The following NHS variants were observed in gnomAD, a reference collection of about 807,000 sequenced individuals.
NHS encodes the protein actin remodeling regulator NHS.
In NHS, 5 loss-of-function variants were observed where a neutral mutation model predicts 72.5. The ratio of observed to expected loss-of-function variants is 0.07; its 90% CI spans 0.04 to 0.14. The LOEUF is 0.14. Among genes scored for constraint, NHS ranks in the 10% least tolerant of loss-of-function variants. The pLI is 1.00. For synonymous variants in NHS, 464 were observed against 547.7 expected, an observed-to-expected ratio of 0.85 and a Z score of 2.13; for missense variants, 1,072 against 1,355.7, an observed-to-expected ratio of 0.79 and a Z score of 3.29.
At chrX:17,663,997 G>T (rs965919534) in intron 1 of NHS, among the ~76,000 whole-genome samples, 8 of 102,749 alleles carry the variant, frequency 7.8e-5, no homozygotes, top group African/African-American at 2.8e-4. Flanking sequence ...CATATATCTT[G>T]TGAGGTGTCT....
intron 1 of NHS, among the ~76,000 whole-genome samples, chrX:17,481,223 G>A (rs906482437): frequency 4.5e-5 from 5 of 111,769 alleles, no homozygotes; most frequent in African/African-American, 9.8e-5. Context: ...TGAATAAGGC[G>A]GTGTCCGTAA....
intron 1 of NHS, among the ~76,000 whole-genome samples, chrX:17,540,009 A>T (rs2065255114): frequency 8.9e-6 from 1 of 112,514 alleles, no homozygotes; most frequent in Non-Finnish European, 1.9e-5. Flanking sequence ...TGTGATGTGA[A>T]CAAAAAGCAA....
At chrX:17,605,557 G>T (rs909530974) in intron 1 of NHS, among the ~76,000 whole-genome samples, 1 of 111,106 alleles carries the variant, frequency 9.0e-6, no homozygotes, top group Non-Finnish European at 1.9e-5. Context: ...AGCCACCTCA[G>T]CCCCTTTAGT....
At chrX:17,633,093 G>T (rs184313506) in intron 1 of NHS, among the ~76,000 whole-genome samples, 188 of 109,726 alleles carry the variant, frequency 1.7e-3, no homozygotes, top group African/African-American at 6.2e-3. Flanking sequence ...TTTTTTTTTA[G>T]CGGGGGCGTT....
chrX:17,488,387 C>G (rs1016769773), intron 1 of NHS, among the ~76,000 whole-genome samples: 2 of 110,885 alleles, frequency 1.8e-5, no homozygotes, highest in African/African-American at 6.6e-5. Flanking sequence ...TTTTTTGGTG[C>G]GGGAAGGGAT....
intron 1 of NHS, among the ~76,000 whole-genome samples, chrX:17,408,258 G>C (rs913095808): frequency 6.3e-5 from 7 of 110,994 alleles, no homozygotes; most frequent in Non-Finnish European, 1.3e-4. Context: ...CTCCCACCTC[G>C]GCCTCCCAAA....
chrX:17,401,239 T>C (rs959173602), intron 1 of NHS, among the ~76,000 whole-genome samples: 2 of 111,898 alleles, frequency 1.8e-5, no homozygotes, highest in African/African-American at 3.2e-5. Context: ...AACATTTAAC[T>C]CAAAAGCAGT....
At chrX:17,449,558 A>C (rs1176134272) in intron 1 of NHS, among the ~76,000 whole-genome samples, 2 of 112,461 alleles carry the variant, frequency 1.8e-5, no homozygotes, top group Non-Finnish European at 3.7e-5. Context: ...CTGTGTACTT[A>C]AGTTTTATGC....
chrX:17,712,265 A>ATATG (rs1192957430), intron 3 of NHS, among the ~76,000 whole-genome samples: 2 of 74,088 alleles, frequency 2.7e-5, no homozygotes, highest in Non-Finnish European at 5.0e-5. Flanking sequence ...ATATATATAT[A>ATATG]TATATATATA....
intron 1 of NHS, among the ~76,000 whole-genome samples, chrX:17,423,522 G>A (rs1183294229): frequency 3.6e-5 from 4 of 111,331 alleles, no homozygotes; most frequent in South Asian, 3.9e-4. Flanking sequence ...CTGTCTGCTC[G>A]GCTAGATCCT....
At chrX:17,486,411 T>A (rs1225980060) in intron 1 of NHS, among the ~76,000 whole-genome samples, 4 of 112,176 alleles carry the variant, frequency 3.6e-5, no homozygotes, top group Non-Finnish European at 7.5e-5. Context: ...TCAGCCATGG[T>A]GACGCTGCTT....
intron 1 of NHS, among the ~76,000 whole-genome samples, chrX:17,529,555 G>A (rs1040055729): frequency 4.5e-5 from 5 of 111,219 alleles, no homozygotes; most frequent in East Asian, 2.8e-4. Context: ...GAAAGCTGAC[G>A]CGTTGTTTTT....
intron 1 of NHS, among the ~76,000 whole-genome samples, chrX:17,442,151 G>A (rs1024946519): frequency 8.9e-6 from 1 of 112,671 alleles, no homozygotes; most frequent in African/African-American, 3.2e-5. Context: ...TGTGATCTGT[G>A]TATTAGTCAG....
At chrX:17,399,811 G>A (rs1286854758) in intron 1 of NHS, among the ~76,000 whole-genome samples, 4 of 111,861 alleles carry the variant, frequency 3.6e-5, no homozygotes, top group African/African-American at 9.8e-5. Flanking sequence ...GTAATAAGAA[G>A]GTGTGGTTGT....
intron 1 of NHS, among the ~76,000 whole-genome samples, chrX:17,680,655 C>T (rs767081126): frequency 1.8e-5 from 2 of 111,714 alleles, no homozygotes; most frequent in Non-Finnish European, 3.8e-5. Context: ...TTCTGGGGTA[C>T]ACGTGCAGAA....
At chrX:17,544,573 G>A (rs189137685) in intron 1 of NHS, among the ~76,000 whole-genome samples, 6 of 111,635 alleles carry the variant, frequency 5.4e-5, no homozygotes, top group Admixed American at 9.5e-5. Context: ...GTGCAGTGGC[G>A]CGATCTTGGC....
chrX:17,613,350 T>C, intron 1 of NHS, among the ~76,000 whole-genome samples: 1 of 111,773 alleles, frequency 8.9e-6, no homozygotes, highest in Non-Finnish European at 1.9e-5. Context: ...TTAAAGGTAG[T>C]GTCCCAGTGT....
In NHS at chrX:17,416,819, TGA is replaced by T. The variant is rs576288851; in HGVS notation, c.565+40520_565+40521del. Among the ~76,000 whole-genome samples, 235 of 97,832 alleles carry T rather than the reference TGA, an allele frequency of 2.4e-3. 1 individual carries two copies. Among genetic ancestry groups the T allele is most frequent in the African/African-American group, 5.0e-3 (126 of 25,406 alleles). 85.0% of individuals were successfully genotyped at this position (97,832 alleles called of 115,157 possible). ...GTGTGTGTGTGTGTGTGTGTGTGTG[TGA>T]GAGAGAGAGAGAGAGAGAGAGACAA... On this transcript the variant is annotated intron_variant, in intron 1 of 8. Transcript: ENST00000676302.
At chrX:17,486,652 A>C (rs920316503) in intron 1 of NHS, among the ~76,000 whole-genome samples, 6 of 111,965 alleles carry the variant, frequency 5.4e-5, no homozygotes, top group African/African-American at 1.9e-4. Flanking sequence ...CAGACAGAGC[A>C]AGTTATATGG....
Sources: allele counts gnomAD v4.1 joint callset (sites outside exome capture counted in the v4.1 genomes callset), GRCh38; gene constraint gnomAD v4.1.1; transcripts MANE v1.5; gene names NCBI Gene and HGNC (gene_info 2026-07-23, HGNC 2026-07-21).